The following INPP4A variants were observed in gnomAD, a reference collection of about 807,000 sequenced individuals.
INPP4A encodes the protein inositol polyphosphate-4-phosphatase type I A, also known as inositol polyphosphate-4-phosphatase, type I, 107kD.
Under a neutral mutation model 119.8 loss-of-function variants are expected in INPP4A, and 33 were observed. That is an observed-to-expected ratio of 0.28 (90% CI 0.21 to 0.37). INPP4A has a LOEUF of 0.37. Among genes scored for constraint, INPP4A ranks in the 10% least tolerant of loss-of-function variants. The pLI is 1.00. For synonymous variants in INPP4A, 496 were observed against 500.7 expected (o/e 0.99, Z 0.12); for missense variants, 956 against 1,289.9 (o/e 0.74, Z 3.97).
intron 1 of INPP4A, among the ~76,000 whole-genome samples, chr2:98,477,533 A>T (rs867334104): frequency 6.6e-6 from 1 of 152,234 alleles, no homozygotes; most frequent in Non-Finnish European, 1.5e-5. Flanking sequence ...CAGAGCCTCA[A>T]TGTCGGCGAG....
intron 17 of INPP4A, 52 bp from the exon 18 acceptor site, chr2:98,563,413 T>C: frequency 5.8e-6 from 9 of 1,542,984 alleles, no homozygotes; most frequent in Non-Finnish European, 8.0e-6. Flanking sequence ...TGCCAGAACC[T>C]AATTCTTAAA....
chr2:98,577,942 C>T (rs1003029090), intron 24 of INPP4A, among the ~76,000 whole-genome samples: 1 of 152,228 alleles, frequency 6.6e-6, no homozygotes, highest in African/African-American at 2.4e-5. Context: ...CATTTGTCCT[C>T]TCACCAAATT....
At chr2:98,484,763 T>C (rs982407324) in intron 1 of INPP4A, among the ~76,000 whole-genome samples, 9 of 152,208 alleles carry the variant, frequency 5.9e-5, no homozygotes, top group African/African-American at 1.7e-4. Flanking sequence ...TTTATATTGG[T>C]AGATCTTACT....
intron 1 of INPP4A, 95 bp from the exon 2 acceptor site, chr2:98,518,869 G>A (rs2105710009): frequency 6.6e-6 from 1 of 152,352 alleles, no homozygotes; most frequent in South Asian, 2.1e-4. Flanking sequence ...AAACAAACAT[G>A]GAGTAGCTCT....
Position 98,588,532 on chromosome 2 carries a change from T to TTGAAAAGACA in INPP4A, c.*925_*934dup, listed in dbSNP as rs1700151189. ...TTTTTGCAGGATTTCCAATTTATCT[T>TTGAAAAGACA]TGAAAAGACAGTACAATCATGTTTG... On this transcript the variant is annotated 3_prime_UTR_variant, in exon 25 of 25. Transcript: ENST00000409851. 4.6e-6 allele frequency: 1 copy of TTGAAAAGACA among 219,248 alleles called. No homozygotes were observed. The highest frequency in any genetic ancestry group is 2.2e-5 in the African/African-American group (1 of 44,536). 13.6% of individuals were successfully genotyped at this position (219,248 alleles called of 1,614,324 possible). A position where few individuals can be genotyped will look rare whatever the true frequency, so the allele number is the denominator to read the frequency against.
chr2:98,584,132 G>T (rs1699682776), intron 24 of INPP4A, among the ~76,000 whole-genome samples: 2 of 152,200 alleles, frequency 1.3e-5, no homozygotes, highest in South Asian at 4.1e-4. Flanking sequence ...ATAGTCCCTG[G>T]GCAGTGTCCT....
chr2:98,563,810 C>A (rs1055788594), intron 18 of INPP4A, among the ~76,000 whole-genome samples, 173 bp downstream of exon 18: 1 of 152,164 alleles, frequency 6.6e-6, no homozygotes, highest in African/African-American at 2.4e-5. Context: ...TCAACACAGT[C>A]AGGAGAACTA....
chr2:98,564,324 C>T (rs960246708), intron 18 of INPP4A, among the ~76,000 whole-genome samples: 4 of 152,142 alleles, frequency 2.6e-5, no homozygotes, highest in African/African-American at 9.7e-5. Context: ...GTAGATAGAC[C>T]CTTTCACTGT....
chr2:98,551,031 C>G (rs1693421967), intron 13 of INPP4A, among the ~76,000 whole-genome samples: 1 of 152,052 alleles, frequency 6.6e-6, no homozygotes, highest in African/African-American at 2.4e-5. Context: ...TCATAACTCA[C>G]TACAGCCTCA....
In INPP4A at chr2:98,460,870, C is replaced by A. The variant is rs79535562; in HGVS notation, c.-166+15785C>A. Among the ~76,000 whole-genome samples the A allele has an allele frequency of 6.6e-4, 101 of 152,300 alleles. 2 individuals carry two copies. In the East Asian group the frequency reaches 0.01, roughly 15 times the overall value. ...ATTGGAGAAGAATCGTCTGCGCCCC[C>A]TCTAATCCACCTGTGAAACACTGTG... On this transcript the variant is annotated intron_variant, in intron 1 of 24. Transcript: ENST00000409851.
At chr2:98,587,266 C>T (rs767860582) in intron 24 of INPP4A, among the ~76,000 whole-genome samples, 4 of 152,184 alleles carry the variant, frequency 2.6e-5, no homozygotes, top group South Asian at 2.1e-4. Context: ...CACAGCCCCA[C>T]GCAGCATGTG....
Position 98,589,352 on chromosome 2 carries a change from T to C in INPP4A, c.*1744T>C, listed in dbSNP as rs1700218445. ...TTTACCCTTTCACCTCTCCACCATCTCATTTAATTTGTAAATTTTTAGTTC... is the reference window on the plus strand; with the variant it reads ...TTTACCCTTTCACCTCTCCACCATCCCATTTAATTTGTAAATTTTTAGTTC... On this transcript the variant is annotated 3_prime_UTR_variant, in exon 25 of 25. Coordinates refer to ENST00000409851, the MANE Select transcript of INPP4A (RefSeq NM_001134225.2). 5.4e-6 allele frequency: 1 copy of C among 185,230 alleles called. No individual in the cohort carries two copies. Among genetic ancestry groups the C allele is most frequent in the Non-Finnish European group, 1.1e-5 (1 of 87,572 alleles). 11.5% of individuals were successfully genotyped at this position (185,230 alleles called of 1,614,324 possible).
chr2:98,583,392 G>A (rs1250857945), intron 24 of INPP4A, among the ~76,000 whole-genome samples: 8 of 152,148 alleles, frequency 5.3e-5, no homozygotes, highest in Non-Finnish European at 1.2e-4. Context: ...GCAGCAGGGC[G>A]CTCTGGTTTC....
chr2:98,555,048 G>A (rs1461450735), intron 15 of INPP4A, among the ~76,000 whole-genome samples: 4 of 152,192 alleles, frequency 2.6e-5, no homozygotes, highest in Admixed American at 1.3e-4. Flanking sequence ...ACTGCTTAGA[G>A]GCATTGTTCT....
chr2:98,500,443 C>T (rs1342929768), intron 1 of INPP4A, among the ~76,000 whole-genome samples: 20 of 152,128 alleles, frequency 1.3e-4, no homozygotes, highest in Admixed American at 1.3e-3. Context: ...GTCTGCTGTT[C>T]CAGAGAAAAG....
In INPP4A at chr2:98,593,908, A is replaced by G. The variant is rs367727935; in HGVS notation, c.*6300A>G. On this transcript the variant is annotated 3_prime_UTR_variant, in exon 25 of 25. Coordinates refer to ENST00000409851, the MANE Select transcript of INPP4A (RefSeq NM_001134225.2). ...TATGGTGATTTCTCCCCACAAATGA[A>G]GTTGGCCCTTTCAAAAAAACTTCCT... 65 of 150,932 alleles carry G rather than the reference A, an allele frequency of 4.3e-4. No homozygotes were observed. The highest frequency in any genetic ancestry group is 1.5e-3 in the African/African-American group (62 of 41,416). 9.3% of individuals were successfully genotyped at this position (150,932 alleles called of 1,614,324 possible).
At chr2:98,452,344 A>C (rs1472577991) in intron 1 of INPP4A, among the ~76,000 whole-genome samples, 1 of 152,196 alleles carries the variant, frequency 6.6e-6, no homozygotes, top group Non-Finnish European at 1.5e-5. Context: ...ACTGGAGATT[A>C]GTGGATCCTA....
chr2:98,495,471 G>A (rs1681742703), intron 1 of INPP4A, among the ~76,000 whole-genome samples: 1 of 152,242 alleles, frequency 6.6e-6, no homozygotes, highest in African/African-American at 2.4e-5. Flanking sequence ...TTTATTCTGA[G>A]CCAAATATGA....
At chr2:98,460,247 A>AG (rs1558872770) in intron 1 of INPP4A, among the ~76,000 whole-genome samples, 1 of 152,226 alleles carries the variant, frequency 6.6e-6, no homozygotes, top group East Asian at 1.9e-4. Context: ...CACCCAGGAA[A>AG]GGTGGCCTCT....
Sources: allele counts gnomAD v4.1 joint callset (sites outside exome capture counted in the v4.1 genomes callset), GRCh38; gene constraint gnomAD v4.1.1; transcripts MANE v1.5; gene names NCBI Gene and HGNC (gene_info 2026-07-23, HGNC 2026-07-21).